SLC66A1: variants seen among roughly 807,000 people sequenced by gnomAD.
The protein encoded by SLC66A1 is lysosomal amino acid transporter 1 homolog.
Under a neutral mutation model 33.0 loss-of-function variants are expected in SLC66A1, and 23 were observed. That is an observed-to-expected ratio of 0.70 (90% confidence interval 0.50 to 0.99). The LOEUF is 0.99. Ranked by LOEUF, SLC66A1 falls within the 50% of genes least tolerant of loss-of-function variation. The pLI, the probability that SLC66A1 is intolerant of heterozygous loss-of-function variation, is 0.00. For missense variants in SLC66A1, 335 were observed against 383.6 expected (o/e 0.87, Z 1.06); for synonymous variants, 164 against 175.5 (o/e 0.93, Z 0.52).
chr1:19,320,546 T>C (rs1253316909), intron 2 of SLC66A1, among the ~76,000 whole-genome samples: 1 of 151,452 alleles, frequency 6.6e-6, no homozygotes, highest in East Asian at 1.9e-4. Flanking sequence ...CCCGAGTAGC[T>C]GGGACTACAG....
intron 6 of SLC66A1, 142 bp from the exon 7 acceptor site, chr1:19,327,085 G>T: frequency 2.4e-6 from 2 of 845,962 alleles, no homozygotes; most frequent in Non-Finnish European, 1.9e-6. Context: ...TCTGTGTGTC[G>T]GGCCCATATC....
intron 6 of SLC66A1, 121 bp downstream of exon 6, chr1:19,326,744 C>A: frequency 9.3e-7 from 1 of 1,070,096 alleles, no homozygotes; most frequent in Non-Finnish European, 1.4e-6. Context: ...CTGGTCTACT[C>A]CCGCTGTTGG....
chr1:19,327,195 G>C, intron 6 of SLC66A1, 32 bp from the exon 7 acceptor site: 2 of 1,573,352 alleles, frequency 1.3e-6, no homozygotes, highest in East Asian at 2.2e-5. Flanking sequence ...AGGCCTGTTC[G>C]AGGTCTCTGA....
chr1:19,316,885 T>C (rs1279627517), intron 1 of SLC66A1, among the ~76,000 whole-genome samples: 4 of 150,754 alleles, frequency 2.7e-5, no homozygotes, highest in Non-Finnish European at 4.4e-5. Context: ...TTCTTTTTTT[T>C]TTTAGAGGGA....
intron 1 of SLC66A1, among the ~76,000 whole-genome samples, chr1:19,315,066 G>A (rs917122931): frequency 7.9e-5 from 12 of 152,038 alleles, no homozygotes; most frequent in African/African-American, 1.2e-4. Context: ...CACCCACCAC[G>A]CCTGGCTAAT....
At chr1:19,319,612 T>TTTTTG in intron 2 of SLC66A1, among the ~76,000 whole-genome samples, 1 of 148,648 alleles carries the variant, frequency 6.7e-6, no homozygotes, top group South Asian at 2.1e-4. Context: ...CATGTTTTTT[T>TTTTTG]TTTTTTTTTG....
At chr1:19,321,169 CTTTTTTTTTTTTT>C (rs71577887) in intron 2 of SLC66A1, among the ~76,000 whole-genome samples, 1 of 82,102 alleles carries the variant, frequency 1.2e-5, no homozygotes, top group African/African-American at 5.3e-5. Context: ...CTTATCTCTT[CTTTTTTTTTTTTT>C]TTTTTTTTTG....
downstream of SLC66A1, among the ~76,000 whole-genome samples, chr1:19,330,138 C>T (rs1023556844): frequency 3.3e-5 from 5 of 152,010 alleles, no homozygotes; most frequent in South Asian, 2.1e-4. Flanking sequence ...GGCTCCAGAC[C>T]CTGTTCTGAT....
chr1:19,324,547 C>T (rs185923543), intron 2 of SLC66A1, 86 bp from the exon 3 acceptor site: 20 of 1,513,508 alleles, frequency 1.3e-5, no homozygotes, highest in South Asian at 2.4e-5. Context: ...TCCCCATGGT[C>T]GTCTCCTCTG....
At chr1:19,324,984 G>A (rs2093856244) in intron 3 of SLC66A1, among the ~76,000 whole-genome samples, 1 of 152,262 alleles carries the variant, frequency 6.6e-6, no homozygotes. Context: ...ATATGAGCAT[G>A]TCTAACAGGA....
At chr1:19,326,902 C>T (rs1228555332) in intron 6 of SLC66A1, among the ~76,000 whole-genome samples, 1 of 151,874 alleles carries the variant, frequency 6.6e-6, no homozygotes, top group Non-Finnish European at 1.5e-5. Flanking sequence ...GCTTGGAGGC[C>T]TGAGGGGAGA....
intron 6 of SLC66A1, among the ~76,000 whole-genome samples, chr1:19,326,950 G>A (rs925760579): frequency 2.4e-4 from 36 of 152,292 alleles, no homozygotes; most frequent in African/African-American, 7.9e-4. Context: ...GGCTTGCTGG[G>A]CAGCTAGAGC....
downstream of SLC66A1, among the ~76,000 whole-genome samples, chr1:19,332,900 C>T (rs146179156): frequency 5.8e-3 from 876 of 152,300 alleles, 3 homozygotes; most frequent in Middle Eastern, 0.02. Context: ...TCCCTTAGGA[C>T]GCCCACATGG....
intron 2 of SLC66A1, among the ~76,000 whole-genome samples, chr1:19,324,287 G>A (rs887775325): frequency 2.6e-5 from 4 of 152,238 alleles, no homozygotes; most frequent in Admixed American, 6.5e-5. Context: ...TCTATGCAGC[G>A]GTTGTCAGGG....
chr1:19,333,706 C>G (rs1035700079), downstream of SLC66A1, among the ~76,000 whole-genome samples: 4 of 152,120 alleles, frequency 2.6e-5, no homozygotes, highest in African/African-American at 9.7e-5. The surrounding 1 kb of genome is among the most constrained non-coding windows in gnomAD (Gnocchi z 4.2). Flanking sequence ...AATCCCAACA[C>G]TTTGGGAGGC....
chr1:19,316,665 C>A (rs1348485400), intron 1 of SLC66A1, among the ~76,000 whole-genome samples: 1 of 150,012 alleles, frequency 6.7e-6, no homozygotes, highest in African/African-American at 2.5e-5. Flanking sequence ...AGTGCCCAGC[C>A]CTTATTTTGT....
intron 1 of SLC66A1, 69 bp from the exon 2 acceptor site, chr1:19,317,531 A>C: frequency 6.9e-7 from 1 of 1,444,144 alleles, no homozygotes; most frequent in Non-Finnish European, 9.1e-7. Context: ...GGATGAGCTT[A>C]GTTTGGGATG....
At chr1:19,327,868 G>A (rs2093877692) in intron 7 of SLC66A1, 1 of 333,618 alleles carries the variant, frequency 3.0e-6, no homozygotes, top group Non-Finnish European at 6.0e-6. Flanking sequence ...AATGTTCTAG[G>A]CTGTGCAGAC....
At position 19,328,662 on chromosome 1, in the gene SLC66A1, C is replaced by A; in HGVS notation, c.*19C>A. The A allele has an allele frequency of 1.2e-6, 2 of 1,611,458 alleles. No individual in the cohort carries two copies. The highest frequency in any genetic ancestry group is 1.7e-6 in the Non-Finnish European group (2 of 1,178,626). On this transcript the variant is annotated 3_prime_UTR_variant, in exon 8 of 8. Transcript: ENST00000375153. The surrounding 1 kb of genome is among the most constrained non-coding windows in gnomAD (Gnocchi z 4.7). Reference sequence around the variant, plus strand: ...CAGCTGACCAGAACCAGGCTGAGCGCAGGAGGACAGGCACCACCGGATGCC... The same window carrying A: ...CAGCTGACCAGAACCAGGCTGAGCGAAGGAGGACAGGCACCACCGGATGCC...
Sources: allele counts gnomAD v4.1 joint callset (sites outside exome capture counted in the v4.1 genomes callset), GRCh38; gene constraint gnomAD v4.1.1; non-coding constraint Gnocchi (gnomAD v3.1); transcripts MANE v1.5; gene names NCBI Gene and HGNC (gene_info 2026-07-23, HGNC 2026-07-21).